The following VAMP7 variants were observed in gnomAD, a reference collection of about 807,000 sequenced individuals.
VAMP7 encodes the protein vesicle-associated membrane protein 7.
VAMP7 carries 14 observed loss-of-function variants against 29.6 expected under a neutral mutation model. The ratio of observed to expected loss-of-function variants is 0.47; its 90% CI spans 0.31 to 0.74. The LOEUF is 0.74. Among genes scored for constraint, VAMP7 ranks in the 30% least tolerant of loss-of-function variants. The pLI, the probability that VAMP7 is intolerant of heterozygous loss-of-function variation, is 0.05. For synonymous variants in VAMP7, 95 were observed against 88.1 expected (o/e 1.08, Z -0.44); for missense variants, 223 against 262.4 (o/e 0.85, Z 1.04).
At chrX:155,921,077 C>T (rs2066389176) in intron 6 of VAMP7, among the ~76,000 whole-genome samples, 1 of 152,128 alleles carries the variant, frequency 6.6e-6, no homozygotes, top group Admixed American at 6.5e-5. Flanking sequence ...TACTTCCAGG[C>T]TGTCTCTTAG....
chrX:155,913,839 T>C, intron 5 of VAMP7, among the ~76,000 whole-genome samples: 1 of 152,282 alleles, frequency 6.6e-6, no homozygotes, highest in East Asian at 1.9e-4. Flanking sequence ...TTGCTTAGGA[T>C]TGTCTTGGCT....
At chrX:155,934,417 G>C (rs1386538995) in intron 6 of VAMP7, among the ~76,000 whole-genome samples, 1 of 152,150 alleles carries the variant, frequency 6.6e-6, no homozygotes, top group Non-Finnish European at 1.5e-5. Context: ...AGGATAGTTA[G>C]CTCTTCTTGT....
intron 1 of VAMP7, among the ~76,000 whole-genome samples, chrX:155,883,471 A>T (rs771689415): frequency 1.3e-5 from 2 of 152,248 alleles, no homozygotes; most frequent in South Asian, 4.2e-4. Context: ...GAAAAAAATT[A>T]ATTTCCTTTT....
At chrX:155,908,911 C>A (rs1221692064) in intron 5 of VAMP7, among the ~76,000 whole-genome samples, 1 of 151,988 alleles carries the variant, frequency 6.6e-6, no homozygotes, top group Non-Finnish European at 1.5e-5. Context: ...CCTTGACCTC[C>A]TGGGCTCAGG....
At position 155,942,510 on chromosome X, in the gene VAMP7, G is replaced by T. The variant is rs1283258449; in HGVS notation, c.*559G>T. 4.4e-6 allele frequency: 1 copy of T among 227,948 alleles called. No individual in the cohort carries two copies. The highest frequency in any genetic ancestry group is 8.6e-6 in the Non-Finnish European group (1 of 115,622). 14.1% of individuals were successfully genotyped at this position (227,948 alleles called of 1,614,324 possible). On this transcript the variant is annotated 3_prime_UTR_variant, in exon 8 of 8. Coordinates refer to ENST00000286448, the MANE Select transcript of VAMP7 (RefSeq NM_005638.6). ...AAACATTCTTATTTCAGTTAGATGG[G>T]GAACATTTTGCTAGCCCATTAGAAG...
intron 2 of VAMP7, among the ~76,000 whole-genome samples, chrX:155,892,074 T>C (rs779194793): frequency 7.2e-5 from 11 of 152,292 alleles, no homozygotes; most frequent in African/African-American, 2.2e-4. Context: ...CAGCCATATG[T>C]AGCTTTAAGA....
At chrX:155,883,318 C>A (rs2065826148) in intron 1 of VAMP7, among the ~76,000 whole-genome samples, 1 of 152,158 alleles carries the variant, frequency 6.6e-6, no homozygotes, top group African/African-American at 2.4e-5. Context: ...TATGTACCTT[C>A]TTTACCTTGC....
intron 6 of VAMP7, among the ~76,000 whole-genome samples, chrX:155,920,888 A>T (rs1272616572): frequency 6.6e-6 from 1 of 152,182 alleles, no homozygotes; most frequent in Admixed American, 6.5e-5. Context: ...GTCTACTATC[A>T]GGTTTTCTAG....
chrX:155,885,506 A>G (rs1459056748), intron 1 of VAMP7, among the ~76,000 whole-genome samples: 2 of 152,206 alleles, frequency 1.3e-5, no homozygotes, highest in African/African-American at 4.8e-5. Context: ...TGTGTCCTCC[A>G]GAAAGCTGTG....
At chrX:155,888,151 A>G (rs2065887366) in intron 1 of VAMP7, among the ~76,000 whole-genome samples, 1 of 152,174 alleles carries the variant, frequency 6.6e-6, no homozygotes, top group Non-Finnish European at 1.5e-5. Context: ...CCCAAAAGGC[A>G]TTCAGCCCAA....
intron 2 of VAMP7, among the ~76,000 whole-genome samples, chrX:155,892,609 G>A (rs1463156449): frequency 6.6e-6 from 1 of 151,970 alleles, no homozygotes; most frequent in East Asian, 1.9e-4. Flanking sequence ...CTCACTTTGT[G>A]TGCCTGAGCT....
rs147108180 is a variant in VAMP7, at chrX:155,900,527, A to G, written c.373A>G (p.Lys125Glu). The change falls in exon 5 of 8, where the codon AAA (lysine) becomes GAA (glutamate). Residue 125 changes from lysine to glutamate, a missense_variant. Physicochemically the swap from Lys to Glu is moderately conservative, Grantham distance 56 (BLOSUM62 1). Coordinates refer to ENST00000286448, the MANE Select transcript of VAMP7 (RefSeq NM_005638.6). Reference sequence around the variant, plus strand: ...TCACTCTGAGAATAAGGGCCTAGACAAAGTGATGGAGACTCAAGCCCAAGT... The same window carrying G: ...TCACTCTGAGAATAAGGGCCTAGACGAAGTGATGGAGACTCAAGCCCAAGT... ...KHHSENKGLDKVMETQAQVDE... is the reference protein window; with the variant it reads ...KHHSENKGLDEVMETQAQVDE... The G allele has an allele frequency of 1.9e-6, 3 of 1,611,052 alleles. No homozygotes were observed. Among genetic ancestry groups the G allele is most frequent in the Non-Finnish European group, 2.5e-6 (3 of 1,178,276 alleles).
chrX:155,888,514 C>T lies in VAMP7; in HGVS notation c.-9-944C>T, dbSNP rs376542388. Among the ~76,000 whole-genome samples the T allele has an allele frequency of 2.0e-4, 31 of 152,198 alleles. 1 individual carries two copies. In the South Asian group the frequency reaches 2.9e-3, roughly 14 times the overall value. ...AATAAGAGTAGGTTTAACAGTTAAT[C>T]GAAGACTAGACAAGGATTTGTTCAT... On this transcript the variant is annotated intron_variant, in intron 1 of 7. Coordinates refer to ENST00000286448, the MANE Select transcript of VAMP7 (RefSeq NM_005638.6).
At chrX:155,938,162 A>G (rs2066690456) in intron 6 of VAMP7, among the ~76,000 whole-genome samples, 1 of 152,098 alleles carries the variant, frequency 6.6e-6, no homozygotes, top group Non-Finnish European at 1.5e-5. Context: ...TTCCCATATT[A>G]ACTTTGTTCC....
rs940355107 is a variant in VAMP7 at position 155,931,241 on chromosome X, G to A, written c.502-8460G>A. On this transcript the variant is annotated intron_variant, in intron 6 of 7. Coordinates refer to ENST00000286448, the MANE Select transcript of VAMP7 (RefSeq NM_005638.6). ...GTATATACCCAGTAATGGGATGGCT[G>A]GGTCAAATGGTATTTCTACTTCTAG... Among the ~76,000 whole-genome samples the A allele has an allele frequency of 3.0e-4, 45 of 152,128 alleles. 1 individual carries two copies. Among genetic ancestry groups the A allele is most frequent in the Non-Finnish European group, 4.3e-4 (29 of 68,026 alleles).
chrX:155,885,355 T>C (rs2065852770), intron 1 of VAMP7, among the ~76,000 whole-genome samples: 2 of 152,028 alleles, frequency 1.3e-5, no homozygotes, highest in Admixed American at 6.6e-5. Flanking sequence ...TTGGGTGATA[T>C]GAGTATCTGG....
chrX:155,916,208 G>A (rs2066310682), intron 5 of VAMP7, among the ~76,000 whole-genome samples: 1 of 152,004 alleles, frequency 6.6e-6, no homozygotes, highest in African/African-American at 2.4e-5. Context: ...CATTTGCTTA[G>A]TAAATAATCC....
intron 3 of VAMP7, among the ~76,000 whole-genome samples, 153 bp downstream of exon 3, chrX:155,895,833 G>C (rs1216769453): frequency 6.6e-6 from 1 of 152,150 alleles, no homozygotes; most frequent in African/African-American, 2.4e-5. Flanking sequence ...CAGGAGGTGA[G>C]TGGCCTATGA....
intron 5 of VAMP7, among the ~76,000 whole-genome samples, chrX:155,915,392 C>A (rs890073827): frequency 6.6e-6 from 1 of 152,008 alleles, no homozygotes; most frequent in Non-Finnish European, 1.5e-5. Context: ...TTAGTTATTT[C>A]TTGTCTTCTG....
Sources: allele counts gnomAD v4.1 joint callset (sites outside exome capture counted in the v4.1 genomes callset), GRCh38; gene constraint gnomAD v4.1.1; transcripts MANE v1.5; gene names NCBI Gene and HGNC (gene_info 2026-07-23, HGNC 2026-07-21).